SETBP1: variants seen among roughly 807,000 people sequenced by gnomAD.
SETBP1 encodes the protein SET-binding protein.
SETBP1 carries 9 observed loss-of-function variants against 101.0 expected under a neutral mutation model. The ratio of observed to expected loss-of-function variants is 0.09; its 90% CI spans 0.05 to 0.16. The LOEUF (loss-of-function observed/expected upper bound fraction) is 0.16, where lower values mean the gene tolerates loss of function less well. SETBP1 is among the 10% of genes least tolerant of loss of function. The pLI, the probability that SETBP1 is intolerant of heterozygous loss-of-function variation, is 1.00. For missense variants in SETBP1, 1,858 were observed against 2,033.8 expected (o/e 0.91, Z 1.66); for synonymous variants, 818 against 788.5 (o/e 1.04, Z -0.63).
chr18:45,055,162 C>T (rs1942572), intron 5 of SETBP1, among the ~76,000 whole-genome samples: 2 of 152,058 alleles, frequency 1.3e-5, no homozygotes, highest in Admixed American at 6.6e-5. Flanking sequence ...TTAATGCTTC[C>T]TAGGCCATAG....
At chr18:44,944,310 GTGGT>G (rs1318860839) in intron 3 of SETBP1, among the ~76,000 whole-genome samples, 1 of 152,196 alleles carries the variant, frequency 6.6e-6, no homozygotes, top group African/African-American at 2.4e-5. Flanking sequence ...CAGGCCTATG[GTGGT>G]TGGTTCTGCA....
At chr18:44,932,002 T>C (rs987858653) in intron 3 of SETBP1, among the ~76,000 whole-genome samples, 5 of 152,240 alleles carry the variant, frequency 3.3e-5, no homozygotes, top group African/African-American at 1.2e-4. Flanking sequence ...CTGCTTATTT[T>C]GCTTGTTAGT....
chr18:44,993,917 T>C (rs971185489), intron 4 of SETBP1, among the ~76,000 whole-genome samples: 3 of 152,064 alleles, frequency 2.0e-5, no homozygotes, highest in Non-Finnish European at 2.9e-5. Flanking sequence ...TGAAACTTTG[T>C]CCTTTTAGAA....
chr18:44,978,215 G>A (rs1343435245), intron 4 of SETBP1, among the ~76,000 whole-genome samples: 1 of 152,158 alleles, frequency 6.6e-6, no homozygotes, highest in African/African-American at 2.4e-5. Context: ...CATATTTTAA[G>A]AGCGTCAATA....
At chr18:44,825,390 C>T (rs954585665) in intron 2 of SETBP1, among the ~76,000 whole-genome samples, 1 of 152,138 alleles carries the variant, frequency 6.6e-6, no homozygotes, top group African/African-American at 2.4e-5. Flanking sequence ...ACCGAGAGCA[C>T]AGGTTTATCT....
intron 4 of SETBP1, among the ~76,000 whole-genome samples, chr18:45,030,336 C>T (rs186805534): frequency 0.32 from 38,356 of 121,418 alleles, 6,702 homozygotes; most frequent in Middle Eastern, 0.42. Flanking sequence ...TATATTGAAC[C>T]AGCCTTGCAT....
rs574196735 is a variant in SETBP1, at chr18:45,063,461, G to A, written c.4554G>A (p.Glu1518=). ...AGGCGGTCATCCACATGGCCCGGGA[G>A]GCGCCGCCCCTGCCCCCGCCACCGC... The part of the protein sequence containing the change: ...TIEAVIHMAR[E]APPLPPPPPP... The change falls in exon 6 of 6, where the codon GAG becomes GAA. Residue 1518 remains glutamate (E), a synonymous_variant. Transcript: ENST00000649279. 859 of 1,473,276 alleles carry A rather than the reference G, an allele frequency of 5.8e-4. 6 individuals are homozygous for A. In the Middle Eastern group the frequency reaches 0.012, roughly 20 times the overall value. 91.3% of individuals were successfully genotyped at this position (1,473,276 alleles called of 1,614,324 possible). A position where few individuals can be genotyped will look rare whatever the true frequency, so the allele number is the denominator to read the frequency against.
intron 1 of SETBP1, among the ~76,000 whole-genome samples, chr18:44,686,723 AG>A (rs2068846499): frequency 6.6e-6 from 1 of 152,222 alleles, no homozygotes; most frequent in African/African-American, 2.4e-5. Context: ...CAACACAGTG[AG>A]GGCCCCTTAG....
intron 2 of SETBP1, among the ~76,000 whole-genome samples, chr18:44,844,342 C>T (rs1420554767): frequency 2.2e-5 from 1 of 46,352 alleles, no homozygotes; most frequent in African/African-American, 9.5e-5. Flanking sequence ...CACACACGTG[C>T]ACACACGCGC....
At chr18:44,864,882 C>T (rs2144656194) in intron 2 of SETBP1, among the ~76,000 whole-genome samples, 1 of 152,064 alleles carries the variant, frequency 6.6e-6, no homozygotes, top group South Asian at 2.1e-4. Context: ...CTACCATGAG[C>T]AGTGAACTGT....
At chr18:44,956,359 G>A (rs2071481523) in intron 4 of SETBP1, among the ~76,000 whole-genome samples, 1 of 152,074 alleles carries the variant, frequency 6.6e-6, no homozygotes, top group Non-Finnish European at 1.5e-5. Flanking sequence ...GATAGACTCT[G>A]AAGAGTGCCA....
At chr18:44,720,244 G>A (rs1251181550) in intron 2 of SETBP1, among the ~76,000 whole-genome samples, 3 of 152,182 alleles carry the variant, frequency 2.0e-5, no homozygotes, top group African/African-American at 7.2e-5. Flanking sequence ...TGAAGGCCAT[G>A]AAGCAGAAGA....
chr18:44,975,244 A>G (rs980288596), intron 4 of SETBP1, among the ~76,000 whole-genome samples: 2 of 152,218 alleles, frequency 1.3e-5, no homozygotes, highest in Non-Finnish European at 2.9e-5. Flanking sequence ...CTGCATCTGC[A>G]GTTCTACTAG....
At chr18:45,058,095 T>C (rs996391040) in intron 5 of SETBP1, among the ~76,000 whole-genome samples, 1 of 152,208 alleles carries the variant, frequency 6.6e-6, no homozygotes, top group Non-Finnish European at 1.5e-5. Flanking sequence ...TGAAAGAAAA[T>C]TTGTATTGCC....
intron 4 of SETBP1, among the ~76,000 whole-genome samples, chr18:44,984,469 G>A (rs1299853443): frequency 2.0e-5 from 3 of 152,142 alleles, no homozygotes; most frequent in East Asian, 1.9e-4. Flanking sequence ...GACAGGAGGC[G>A]GAGCTCAGGC....
At chr18:44,764,330 C>T (rs2070720354) in intron 2 of SETBP1, among the ~76,000 whole-genome samples, 2 of 152,236 alleles carry the variant, frequency 1.3e-5, no homozygotes, top group Admixed American at 1.3e-4. Context: ...CTTATGTATC[C>T]ATTCGTTATC....
At chr18:44,887,352 A>G (rs893991013) in intron 3 of SETBP1, among the ~76,000 whole-genome samples, 12 of 152,142 alleles carry the variant, frequency 7.9e-5, no homozygotes, top group African/African-American at 1.2e-4. Context: ...ATTCACACCC[A>G]GAAATTACAA....
At chr18:44,779,471 GA>G (rs1301300862) in intron 2 of SETBP1, among the ~76,000 whole-genome samples, 1 of 152,246 alleles carries the variant, frequency 6.6e-6, no homozygotes, top group African/African-American at 2.4e-5. Flanking sequence ...CAGCATGTAT[GA>G]GGTTCCTTTT....
In SETBP1 at chr18:44,755,598, G is replaced by A. The variant is rs114691225; in HGVS notation, c.486+53766G>A. Among the ~76,000 whole-genome samples, 1,131 of 152,092 alleles carry A rather than the reference G, an allele frequency of 7.4e-3. 13 individuals carry two copies. The highest frequency in any genetic ancestry group is 0.026 in the African/African-American group (1,071 of 41,464). On this transcript the variant is annotated intron_variant, in intron 2 of 5. Transcript: ENST00000649279. ...CCCAGGCCTTAGGCTTCAGGCTAGG[G>A]GATGCACTATTGGCTTCTCTTGTTC...
Sources: allele counts gnomAD v4.1 joint callset (sites outside exome capture counted in the v4.1 genomes callset), GRCh38; gene constraint gnomAD v4.1.1; transcripts MANE v1.5; gene names NCBI Gene and HGNC (gene_info 2026-07-23, HGNC 2026-07-21).